Variants in TRIP13 observed in about 807,000 individuals in gnomAD.
The protein encoded by TRIP13 is pachytene checkpoint protein 2 homolog.
In TRIP13, 25 loss-of-function variants were observed where a neutral mutation model predicts 54.4. The observed-to-expected ratio is 0.46, with a 90% CI of 0.33 to 0.64. TRIP13 has a LOEUF of 0.64. Ranked by LOEUF, TRIP13 falls within the 30% of genes least tolerant of loss-of-function variation. TRIP13 has a pLI of 0.02. For missense variants in TRIP13, 373 were observed against 534.2 expected, an observed-to-expected ratio of 0.70 and a Z score of 2.97; for synonymous variants, 207 against 207.8, an observed-to-expected ratio of 1.00 and a Z score of 0.03.
Position 907,887 on chromosome 5 carries a change from C to T in TRIP13, c.673-101C>T, listed in dbSNP as rs1313446087. ...TGAGGGGCCGTCAGGAGACAGTGGG[C>T]TTGTGGGGACAACTGGGGCAGCAGG... is the stretch of plus-strand genomic sequence containing the variant. On this transcript the variant is annotated intron_variant, in intron 7 of 12. Coordinates refer to ENST00000166345, the MANE Select transcript of TRIP13 (RefSeq NM_004237.4). The surrounding 1 kb of genome is among the most constrained non-coding windows in gnomAD (Gnocchi z 4.1). 4 of 1,204,272 alleles carry T rather than the reference C, an allele frequency of 3.3e-6. No homozygotes were observed. The highest frequency in any genetic ancestry group is 4.9e-6 in the Non-Finnish European group (4 of 814,744). The allele number at this position is 1,204,272 out of a possible 1,614,324, so 74.6% of individuals were successfully genotyped here.
rs1442478193 is a variant in TRIP13 at position 894,862 on chromosome 5, C to T, written c.168C>T (p.Tyr56=). ...LNRHNIVFGD[Y]TWTEFDEPFL... Reference sequence around the variant, plus strand: ...GACATAATATTGTGTTTGGTGATTACACATGGACTGAGTTTGATGAACCTT... The same window carrying T: ...GACATAATATTGTGTTTGGTGATTATACATGGACTGAGTTTGATGAACCTT... Residue 56 remains tyrosine, a synonymous_variant, in exon 2 of 13, where the codon TAC becomes TAT. Transcript: ENST00000166345. 1.9e-6 allele frequency: 3 copies of T among 1,614,028 alleles called. No individual in the cohort carries two copies. Among genetic ancestry groups the T allele is most frequent in the South Asian group, 1.1e-5 (1 of 91,054 alleles).
At position 892,939 on chromosome 5, in the gene TRIP13, C is replaced by T; in HGVS notation, c.-60C>T. The T allele has an allele frequency of 7.2e-7, 1 of 1,396,786 alleles. No homozygotes were observed. Among genetic ancestry groups the T allele is most frequent in the Non-Finnish European group, 9.4e-7 (1 of 1,068,608 alleles). The allele number at this position is 1,396,786 out of a possible 1,614,324, so 86.5% of individuals were successfully genotyped here. ...TGAGGCAGCGGCTGTGGCGGCGACG[C>T]TGGGCGTGAGGTGGCGGCGGCCGCG... On this transcript the variant is annotated 5_prime_UTR_variant, in exon 1 of 13. Transcript: ENST00000166345.
At position 907,378 on chromosome 5, in the gene TRIP13, C is replaced by T. The variant is rs1754137212; in HGVS notation, c.672+185C>T. On this transcript the variant is annotated intron_variant, in intron 7 of 12. Coordinates refer to ENST00000166345, the MANE Select transcript of TRIP13 (RefSeq NM_004237.4). The surrounding 1 kb of genome is among the most constrained non-coding windows in gnomAD (Gnocchi z 4.1). ...GGCCCTTGGGGACCCTCCCTTGGTT[C>T]TCCCCAGACCTGTGACTGGGTGGGA... 6.6e-6 allele frequency among the ~76,000 whole-genome samples: 1 copy of T among 152,190 alleles called. No homozygotes were observed. The highest frequency in any genetic ancestry group is 1.5e-5 in the Non-Finnish European group (1 of 68,036).
intron 9 of TRIP13, among the ~76,000 whole-genome samples, chr5:910,234 C>T (rs1560949281): frequency 6.6e-6 from 1 of 152,232 alleles, no homozygotes; most frequent in African/African-American, 2.4e-5. Context: ...ACAGCGCTGA[C>T]ACCCTGATGG....
intron 2 of TRIP13, 41 bp from the exon 3 acceptor site, chr5:896,624 G>A (rs371955852): frequency 2.5e-6 from 4 of 1,586,172 alleles, no homozygotes. Context: ...TTAAGTGAGA[G>A]TTGGAAATGT....
In TRIP13 at chr5:917,645, T is replaced by C. The variant is rs995304732; in HGVS notation, c.*542T>C. On this transcript the variant is annotated 3_prime_UTR_variant, in exon 13 of 13. Transcript: ENST00000166345. The stretch of plus-strand genomic sequence containing the variant: ...GATGTAAAAAAGCCTATTTCTACAT[T>C]ATACCAACTGAGAAAAAAATGGTCG... The C allele has an allele frequency of 6.6e-6, 1 of 152,408 alleles. No individual in the cohort carries two copies. Among genetic ancestry groups the C allele is most frequent in the African/African-American group, 2.4e-5 (1 of 41,468 alleles). The allele number at this position is 152,408 out of a possible 1,614,324, so 9.4% of individuals were successfully genotyped here.
At chr5:914,760 C>T (rs1754310049) in intron 11 of TRIP13, among the ~76,000 whole-genome samples, 183 bp downstream of exon 11, 1 of 152,050 alleles carries the variant, frequency 6.6e-6, no homozygotes, top group Admixed American at 6.5e-5. Flanking sequence ...TAGAAACACG[C>T]AGCACAGCCA....
intron 5 of TRIP13, among the ~76,000 whole-genome samples, chr5:902,571 C>T (rs1754015457): frequency 6.6e-6 from 1 of 152,204 alleles, no homozygotes; most frequent in Admixed American, 6.5e-5. Context: ...CTCGCAGCTT[C>T]TGTGAGGCAT....
At chr5:914,949 A>G (rs1246180953) in intron 11 of TRIP13, among the ~76,000 whole-genome samples, 2 of 152,124 alleles carry the variant, frequency 1.3e-5, no homozygotes, top group Non-Finnish European at 2.9e-5. Context: ...GCCTTGAAGG[A>G]TAGAATTTGG....
rs780223649 is a variant in TRIP13, at chr5:896,655, C to G, written c.259-10C>G. On this transcript the variant is annotated splice_polypyrimidine_tract_variant and intron_variant, in intron 2 of 12. Coordinates refer to ENST00000166345, the MANE Select transcript of TRIP13 (RefSeq NM_004237.4). ...AATGTGTGTCGATATTGGCTTTTCC[C>G]TCATTTTAGCCCATCGATTTGAGTG... 5 of 1,598,500 alleles carry G rather than the reference C, an allele frequency of 3.1e-6. No homozygotes were observed. In the African/African-American group the frequency reaches 6.7e-5, roughly 21 times the overall value.
chr5:914,592 C>A lies in TRIP13; in HGVS notation c.1133+15C>A. 1.9e-6 allele frequency: 3 copies of A among 1,589,588 alleles called. No individual in the cohort carries two copies. The highest frequency in any genetic ancestry group is 1.7e-6 in the Non-Finnish European group (2 of 1,159,202). On this transcript the variant is annotated intron_variant, in intron 11 of 12. Coordinates refer to ENST00000166345, the MANE Select transcript of TRIP13 (RefSeq NM_004237.4). ...GACATTTCAAGGTGCAAATTGACCT[C>A]ATTTTTGTAATCAAGAAGAATCCAT...
intron 2 of TRIP13, among the ~76,000 whole-genome samples, chr5:895,826 C>T (rs1456750288): frequency 6.6e-6 from 1 of 152,174 alleles, no homozygotes; most frequent in African/African-American, 2.4e-5. Context: ...TCTTTCTGAA[C>T]AGATGTTTGT....
At chr5:916,040 G>A (rs1754334476) in intron 12 of TRIP13, 67 bp downstream of exon 12, 6 of 1,486,378 alleles carry the variant, frequency 4.0e-6, no homozygotes, top group East Asian at 2.3e-5. Flanking sequence ...CGGAGATTCC[G>A]CTTAGTAGCC....
chr5:896,567 T>G, intron 2 of TRIP13, 98 bp from the exon 3 acceptor site: 1 of 1,309,306 alleles, frequency 7.6e-7, no homozygotes, highest in East Asian at 2.4e-5. Flanking sequence ...ATACTGTACA[T>G]TCAGTTTTTA....
In TRIP13 at chr5:912,107, C is replaced by T. The variant is rs1250349258; in HGVS notation, c.1020+111C>T. ...CCAGTACGGAGGATTTCAACATATG[C>T]ATTAACTCCCTTCTTAAATTGAAAA... On this transcript the variant is annotated intron_variant, in intron 10 of 12. Coordinates refer to ENST00000166345, the MANE Select transcript of TRIP13 (RefSeq NM_004237.4). This position sits in a 1 kb window ranked among gnomAD's most constrained non-coding sequence, Gnocchi z 7.2. The T allele has an allele frequency of 7.6e-7, 1 of 1,318,360 alleles. No individual in the cohort carries two copies. Among genetic ancestry groups the T allele is most frequent in the South Asian group, 1.5e-5 (1 of 68,406 alleles). 81.7% of individuals were successfully genotyped at this position (1,318,360 alleles called of 1,614,324 possible). A position where few individuals can be genotyped will look rare whatever the true frequency, so the allele number is the denominator to read the frequency against.
intron 2 of TRIP13, among the ~76,000 whole-genome samples, chr5:896,211 G>A (rs554249929): frequency 6.6e-6 from 1 of 152,314 alleles, no homozygotes; most frequent in African/African-American, 2.4e-5. Flanking sequence ...TACTCAGAAG[G>A]CTGGAGGTGG....
At chr5:902,948 C>G (rs936997797) in intron 5 of TRIP13, among the ~76,000 whole-genome samples, 1 of 152,184 alleles carries the variant, frequency 6.6e-6, no homozygotes, top group African/African-American at 2.4e-5. Context: ...TTAGTACTTT[C>G]ACTAATTTGC....
In TRIP13 at chr5:915,779, A is replaced by AC. The variant is rs1323187975; in HGVS notation, c.1134-122dup. The AC allele has an allele frequency of 1.7e-5, 16 of 936,182 alleles. No homozygotes were observed. Among genetic ancestry groups the AC allele is most frequent in the Non-Finnish European group, 2.6e-5 (15 of 580,300 alleles). 58.0% of individuals were successfully genotyped at this position (936,182 alleles called of 1,614,324 possible). On this transcript the variant is annotated intron_variant, in intron 11 of 12. Coordinates refer to ENST00000166345, the MANE Select transcript of TRIP13 (RefSeq NM_004237.4). This position sits in a 1 kb window ranked among gnomAD's most constrained non-coding sequence, Gnocchi z 4.2. ...GTGAGGGGCAGGAAGTGCCCTGTGAACCCAGGGTGTGCTTGGGACGCCTCG... is the reference window on the plus strand; with the variant it reads ...GTGAGGGGCAGGAAGTGCCCTGTGAACCCCAGGGTGTGCTTGGGACGCCTCG...
Position 912,954 on chromosome 5 carries a change from A to AG in TRIP13, c.1020+962dup, listed in dbSNP as rs1267960910. On this transcript the variant is annotated intron_variant, in intron 10 of 12. Coordinates refer to ENST00000166345, the MANE Select transcript of TRIP13 (RefSeq NM_004237.4). This position sits in a 1 kb window ranked among gnomAD's most constrained non-coding sequence, Gnocchi z 7.2. ...TTGCCACCTGCTGGTACCACAGAGT[A>AG]GGGGTGTTAACAAGGATGGCACACC... Among the ~76,000 whole-genome samples the AG allele has an allele frequency of 6.6e-6, 1 of 152,178 alleles. No individual in the cohort carries two copies. The highest frequency in any genetic ancestry group is 1.5e-5 in the Non-Finnish European group (1 of 68,020).
Sources: allele counts gnomAD v4.1 joint callset (sites outside exome capture counted in the v4.1 genomes callset), GRCh38; gene constraint gnomAD v4.1.1; non-coding constraint Gnocchi (gnomAD v3.1); transcripts MANE v1.5; gene names NCBI Gene and HGNC (gene_info 2026-07-23, HGNC 2026-07-21).